MGMT: variants seen among roughly 807,000 people sequenced by gnomAD.
The protein encoded by MGMT is methylated-DNA--protein-cysteine methyltransferase.
Under a neutral mutation model 15.9 loss-of-function variants are expected in MGMT, and 14 were observed. The observed-to-expected ratio is 0.88, with a 90% confidence interval of 0.58 to 1.37. MGMT has a LOEUF of 1.37. Ranked by LOEUF, MGMT falls within the 40% of genes most tolerant of loss-of-function variation. The probability of loss-of-function intolerance (pLI) is 0.00; values close to 1 mark genes in which losing one functional copy is unlikely to be tolerated. For synonymous variants in MGMT, 130 were observed against 118.2 expected (o/e 1.10, Z -0.65); for missense variants, 282 against 268.1 (o/e 1.05, Z -0.36).
chr10:129,570,738 T>C (rs978013248), intron 2 of MGMT, among the ~76,000 whole-genome samples: 1 of 152,184 alleles, frequency 6.6e-6, no homozygotes, highest in African/African-American at 2.4e-5. Context: ...CCTGCGAGTA[T>C]TGAGGGAAAA....
At chr10:129,734,276 A>G (rs1848535300) in intron 3 of MGMT, among the ~76,000 whole-genome samples, 1 of 138,668 alleles carries the variant, frequency 7.2e-6, no homozygotes, top group Non-Finnish European at 1.6e-5. Flanking sequence ...GGTCCTTCAC[A>G]TCCCTTGTAA....
chr10:129,642,955 G>C (rs1847344638), intron 2 of MGMT, among the ~76,000 whole-genome samples: 1 of 152,076 alleles, frequency 6.6e-6, no homozygotes, highest in Non-Finnish European at 1.5e-5. Context: ...AAGAAAAAAA[G>C]GTAATAAAAG....
intron 2 of MGMT, among the ~76,000 whole-genome samples, chr10:129,537,338 G>T (rs529424599): frequency 6.6e-6 from 1 of 152,096 alleles, no homozygotes; most frequent in Admixed American, 6.5e-5. Flanking sequence ...CTCCGCTGTC[G>T]AGATTTTTCC....
At chr10:129,524,923 G>C (rs2119734428) in intron 1 of MGMT, among the ~76,000 whole-genome samples, 1 of 152,230 alleles carries the variant, frequency 6.6e-6, no homozygotes, top group Admixed American at 6.5e-5. Flanking sequence ...TCTTGACAGT[G>C]TTCTGGTATC....
At chr10:129,699,877 C>A (rs1271876319) in intron 2 of MGMT, among the ~76,000 whole-genome samples, 1 of 152,054 alleles carries the variant, frequency 6.6e-6, no homozygotes, top group Non-Finnish European at 1.5e-5. Context: ...AAAATAGGCC[C>A]TACAACTAAA....
chr10:129,652,504 C>T (rs1847472046), intron 2 of MGMT, among the ~76,000 whole-genome samples: 1 of 152,190 alleles, frequency 6.6e-6, no homozygotes. Flanking sequence ...CATGCGAAGG[C>T]TTTCAAAGGC....
At chr10:129,705,989 G>T (rs1848155809) in intron 2 of MGMT, among the ~76,000 whole-genome samples, 1 of 152,326 alleles carries the variant, frequency 6.6e-6, no homozygotes, top group African/African-American at 2.4e-5. Context: ...CAGCTTCATG[G>T]TCCTCCAGCT....
intron 2 of MGMT, among the ~76,000 whole-genome samples, chr10:129,641,596 A>G (rs368699556): frequency 4.2e-4 from 64 of 152,354 alleles, no homozygotes; most frequent in African/African-American, 9.4e-4. Context: ...TTCACAAGAT[A>G]GAAGCTTTAC....
intron 1 of MGMT, among the ~76,000 whole-genome samples, chr10:129,525,854 G>A (rs1232509723): frequency 6.6e-6 from 1 of 152,230 alleles, no homozygotes; most frequent in African/African-American, 2.4e-5. Context: ...GCCACAAACA[G>A]GAGTGTTTCC....
At chr10:129,617,187 A>G (rs576946504) in intron 2 of MGMT, among the ~76,000 whole-genome samples, 5 of 152,112 alleles carry the variant, frequency 3.3e-5, no homozygotes, top group Non-Finnish European at 5.9e-5. Context: ...ATGTGTACTC[A>G]GTGGTTAGCA....
At chr10:129,558,419 A>G (rs1344072348) in intron 2 of MGMT, among the ~76,000 whole-genome samples, 1 of 152,180 alleles carries the variant, frequency 6.6e-6, no homozygotes, top group Non-Finnish European at 1.5e-5. Context: ...GAAGTGAAGA[A>G]TATCAATATT....
At chr10:129,519,863 A>G (rs1184734843) in intron 1 of MGMT, among the ~76,000 whole-genome samples, 2 of 152,012 alleles carry the variant, frequency 1.3e-5, no homozygotes, top group Non-Finnish European at 2.9e-5. Flanking sequence ...GCATTAGAGG[A>G]TAGCCGGCCT....
intron 1 of MGMT, among the ~76,000 whole-genome samples, chr10:129,521,996 C>G (rs61862600): frequency 0.089 from 13,498 of 152,290 alleles, 758 homozygotes; most frequent in East Asian, 0.3. Flanking sequence ...GACCAGTGGT[C>G]TGGACCGAGC....
chr10:129,728,255 G>A (rs142005829), intron 3 of MGMT, among the ~76,000 whole-genome samples: 4 of 152,336 alleles, frequency 2.6e-5, no homozygotes, highest in African/African-American at 9.6e-5. Context: ...GCAGTCACTT[G>A]AGAATGACAG....
At chr10:129,711,412 C>T (rs192218614) in intron 3 of MGMT, among the ~76,000 whole-genome samples, 122 of 152,294 alleles carry the variant, frequency 8.0e-4, no homozygotes, top group Non-Finnish European at 4.9e-4. Context: ...CTGCCTTTCC[C>T]GACCGGGTGT....
intron 1 of MGMT, among the ~76,000 whole-genome samples, chr10:129,469,794 G>A (rs1211261949): frequency 2.6e-5 from 4 of 152,158 alleles, no homozygotes; most frequent in Non-Finnish European, 5.9e-5. Flanking sequence ...GCAGCCTCAA[G>A]CTCCTGGGCT....
chr10:129,498,197 CTGGGGACATA>C (rs1845542069), intron 1 of MGMT, among the ~76,000 whole-genome samples: 2 of 152,230 alleles, frequency 1.3e-5, no homozygotes, highest in African/African-American at 4.8e-5. Flanking sequence ...CCATCCTGTC[CTGGGGACATA>C]TGTCTGTCAG....
intron 1 of MGMT, among the ~76,000 whole-genome samples, chr10:129,478,858 A>G (rs1005917078): frequency 4.7e-5 from 7 of 149,154 alleles, no homozygotes; most frequent in Admixed American, 1.3e-4. Context: ...GTTCTTCGTT[A>G]TCTTTTATTT....
intron 3 of MGMT, among the ~76,000 whole-genome samples, chr10:129,726,824 T>C (rs754120345): frequency 1.5e-4 from 23 of 152,188 alleles, no homozygotes; most frequent in Non-Finnish European, 3.2e-4. Flanking sequence ...GTAGTGGTGT[T>C]TAAGGGGACT....
Sources: gnomAD v4.1 joint callset for allele counts (sites outside exome capture counted in the v4.1 genomes callset) on GRCh38, gnomAD v4.1.1 for gene constraint, MANE v1.5 for transcripts, NCBI Gene and HGNC (gene_info 2026-07-23, HGNC 2026-07-21) for gene names.